Variants in PEX6 observed in about 807,000 individuals in gnomAD.
The protein encoded by PEX6 is peroxisome biogenesis factor 6.
A neutral mutation model predicts 85.6 loss-of-function variants in PEX6; 55 were observed. That is an observed-to-expected ratio of 0.64 (90% confidence interval 0.52 to 0.80). The LOEUF is 0.80. Ranked by LOEUF, PEX6 falls within the 30% of genes least tolerant of loss-of-function variation. The pLI, the probability that PEX6 is intolerant of heterozygous loss-of-function variation, is 0.00. For synonymous variants in PEX6, 519 were observed against 549.1 expected, an observed-to-expected ratio of 0.95 and a Z score of 0.77; for missense variants, 1,099 against 1,260.3, an observed-to-expected ratio of 0.87 and a Z score of 1.94.
chr6:42,964,642 T>G lies in PEX6; in HGVS notation c.2806+148A>C. 3 of 1,269,380 alleles carry G rather than the reference T, an allele frequency of 2.4e-6. No homozygotes were observed. The highest frequency in any genetic ancestry group is 1.2e-5 in the South Asian group (1 of 82,448). The allele number at this position is 1,269,380 out of a possible 1,614,324, so 78.6% of individuals were successfully genotyped here. A position where few individuals can be genotyped will look rare whatever the true frequency, so the allele number is the denominator to read the frequency against. On this transcript the variant is annotated intron_variant, in intron 16 of 16. Coordinates refer to ENST00000304611, the MANE Select transcript of PEX6 (RefSeq NM_000287.4). The surrounding 1 kb of genome is among the most constrained non-coding windows in gnomAD (Gnocchi z 4.6). ...TTTCCCTTAAACATTTTTTTTAGAGTTGGGGTCTCTCTGTGTTGCCCAGGC... is the reference window on the plus strand; with the variant it reads ...TTTCCCTTAAACATTTTTTTTAGAGGTGGGGTCTCTCTGTGTTGCCCAGGC...
chr6:42,968,640 ACCTCTTTTTTAC>A, intron 6 of PEX6, 142 bp from the exon 7 acceptor site: 1 of 802,794 alleles, frequency 1.2e-6, no homozygotes, highest in Non-Finnish European at 2.0e-6. Flanking sequence ...GCCAAGTCCT[ACCTCTTTTTTAC>A]CCTATCCCAT....
chr6:42,966,944 T>A, intron 8 of PEX6, 86 bp from the exon 9 acceptor site: 1 of 875,460 alleles, frequency 1.1e-6, no homozygotes, highest in Non-Finnish European at 1.9e-6. Context: ...GCAGAGGCCC[T>A]CTGTTGATGC....
intron 2 of PEX6, among the ~76,000 whole-genome samples, chr6:42,974,451 G>GTTTTTT (rs541877938): frequency 3.0e-4 from 18 of 61,016 alleles, no homozygotes; most frequent in Non-Finnish European, 4.7e-4. Flanking sequence ...TGTTTTTTTT[G>GTTTTTT]TTTTTTTTTT....
In PEX6 at chr6:42,967,581, G is replaced by A. The variant is rs762355534; in HGVS notation, c.1689-18C>T. Reference sequence around the variant, plus strand: ...GAGGGCAGCTGCAGACAGAGGAGTGGGCACTGAGGGTGAGAACATGGCTGG... The same window carrying A: ...GAGGGCAGCTGCAGACAGAGGAGTGAGCACTGAGGGTGAGAACATGGCTGG... On this transcript the variant is annotated intron_variant, in intron 7 of 16. Coordinates refer to ENST00000304611, the MANE Select transcript of PEX6 (RefSeq NM_000287.4). 7 of 1,584,748 alleles carry A rather than the reference G, an allele frequency of 4.4e-6. No individual in the cohort carries two copies. In the East Asian group the frequency reaches 1.4e-4, roughly 31 times the overall value.
rs1286993221 is a variant in PEX6 at position 42,969,959 on chromosome 6, T to C, written c.1159A>G (p.Lys387Glu). ...CCATCTGGAGCTTCCCCAACTGTTT[T>C]CTTCACTTTAAAAAACATTTCCCGC... ...RWREMFFKVK[K>E]TVGEAPDGPA... The change falls in exon 4 of 17, where the codon AAA becomes GAA. Residue 387 changes from lysine to glutamate, a missense_variant. Transcript: ENST00000304611. 3.1e-6 allele frequency: 5 copies of C among 1,614,036 alleles called. No homozygotes were observed. The African/African-American group carries it at 5.3e-5, about 17-fold the overall frequency.
At chr6:42,967,691 G>C in intron 7 of PEX6, 128 bp from the exon 8 acceptor site, 1 of 748,644 alleles carries the variant, frequency 1.3e-6, no homozygotes, top group South Asian at 1.6e-5. Flanking sequence ...AGGGAGATGA[G>C]CATCTACCCC....
intron 3 of PEX6, among the ~76,000 whole-genome samples, chr6:42,972,603 T>C (rs1770101420): frequency 1.3e-5 from 2 of 151,954 alleles, no homozygotes; most frequent in Admixed American, 1.3e-4. Context: ...ACCCAATCTC[T>C]ACTAAAAATA....
intron 3 of PEX6, 77 bp downstream of exon 3, chr6:42,973,926 A>G (rs1341102607): frequency 2.5e-5 from 24 of 976,604 alleles, no homozygotes; most frequent in Admixed American, 8.7e-5. Context: ...ATTACACATG[A>G]TTTGCAGGGA....
chr6:42,974,210 G>A (rs572323054), intron 2 of PEX6, 124 bp from the exon 3 acceptor site: 70 of 741,708 alleles, frequency 9.4e-5, no homozygotes, highest in South Asian at 8.1e-4. Flanking sequence ...GAGATCCCAC[G>A]CAGTTCTCCA....
chr6:42,969,122 C>A, intron 5 of PEX6, 137 bp from the exon 6 acceptor site: 2 of 681,602 alleles, frequency 2.9e-6, no homozygotes, highest in Non-Finnish European at 5.3e-6. Context: ...CAGGACAGGG[C>A]TGTCCCCATG....
Position 42,978,911 on chromosome 6 carries a change from C to T in PEX6, c.240G>A (p.Leu80=), listed in dbSNP as rs1554128547. ...GPPQLLVSRA[L]LRLLALGSGA... ...CGGAGCCCAGTGCCAGGAGCCGCAGCAGCGCGCGGCTAACCAGTAGCTGCG... is the reference window on the plus strand; with the variant it reads ...CGGAGCCCAGTGCCAGGAGCCGCAGTAGCGCGCGGCTAACCAGTAGCTGCG... The change falls in exon 1 of 17, where the codon CTG becomes CTA. Residue 80 remains leucine (L), a synonymous_variant. Coordinates refer to ENST00000304611, the MANE Select transcript of PEX6 (RefSeq NM_000287.4). 2 of 1,487,676 alleles carry T rather than the reference C, an allele frequency of 1.3e-6. No individual in the cohort carries two copies. Among genetic ancestry groups the T allele is most frequent in the Non-Finnish European group, 1.8e-6 (2 of 1,127,326 alleles). The allele number at this position is 1,487,676 out of a possible 1,614,324, so 92.2% of individuals were successfully genotyped here.
At position 42,967,689 on chromosome 6, in the gene PEX6, G is replaced by A. The variant is rs916895666; in HGVS notation, c.1689-126C>T. The A allele has an allele frequency of 3.9e-6, 3 of 764,924 alleles. No individual in the cohort carries two copies. The African/African-American group carries it at 5.1e-5, about 13-fold the overall frequency. 47.4% of individuals were successfully genotyped at this position (764,924 alleles called of 1,614,324 possible). A position where few individuals can be genotyped will look rare whatever the true frequency, so the allele number is the denominator to read the frequency against. On this transcript the variant is annotated intron_variant, in intron 7 of 16. Coordinates refer to ENST00000304611, the MANE Select transcript of PEX6 (RefSeq NM_000287.4). Reference sequence around the variant, plus strand: ...GGGTGCTAGGATGGGGTAGGGAGATGAGCATCTACCCCAGTTCCTAGATGG... The same window carrying A: ...GGGTGCTAGGATGGGGTAGGGAGATAAGCATCTACCCCAGTTCCTAGATGG...
At position 42,964,799 on chromosome 6, in the gene PEX6, G is replaced by A; in HGVS notation, c.2797C>T (p.Leu933=). The A allele has an allele frequency of 2.5e-6, 4 of 1,614,042 alleles. No individual in the cohort carries two copies. Among genetic ancestry groups the A allele is most frequent in the Non-Finnish European group, 3.4e-6 (4 of 1,180,004 alleles). Residue 933 remains leucine, a synonymous_variant, in exon 16 of 17, where the codon CTG becomes TTG. Coordinates refer to ENST00000304611, the MANE Select transcript of PEX6 (RefSeq NM_000287.4). This position sits in a 1 kb window ranked among gnomAD's most constrained non-coding sequence, Gnocchi z 4.6. The part of the protein sequence containing the change: ...TAALKRRVHD[L]EEGLEPGSSA... ...CCGGCAAGTGGCTCACCTTCCTCCAGGTCATGAACCCTGCGTTTGAGGGCA... is the reference window on the plus strand; with the variant it reads ...CCGGCAAGTGGCTCACCTTCCTCCAAGTCATGAACCCTGCGTTTGAGGGCA...
rs1333244997 is a variant in PEX6, at chr6:42,978,417, A to G, written c.734T>C (p.Leu245Pro). The G allele has an allele frequency of 6.2e-7, 1 of 1,614,164 alleles. No individual in the cohort carries two copies. The highest frequency in any genetic ancestry group is 1.1e-5 in the South Asian group (1 of 91,080). ...ATCAGAGAGGTCCCAGCGAGGTTCT[A>G]GGACCTGCACCCTAGCCAAGTGCGG... ...SQPHLARVQV[L>P]EPRWDLSDRL... Residue 245 changes from leucine to proline, a missense_variant, in exon 1 of 17, where the codon CTA becomes CCA. Physicochemically the swap from Leu to Pro is moderately conservative, Grantham distance 98. Coordinates refer to ENST00000304611, the MANE Select transcript of PEX6 (RefSeq NM_000287.4).
Position 42,966,464 on chromosome 6 carries a change from G to A in PEX6, c.2095-17C>T, listed in dbSNP as rs1410970167. On this transcript the variant is annotated splice_polypyrimidine_tract_variant and intron_variant, in intron 10 of 16. Transcript: ENST00000304611. ...TGAGGGGATCTAGGAGATGGAAAGTGCGTGGTTGGGATATGCTCTTGGAGG... is the reference window on the plus strand; with the variant it reads ...TGAGGGGATCTAGGAGATGGAAAGTACGTGGTTGGGATATGCTCTTGGAGG... The A allele has an allele frequency of 1.5e-5, 24 of 1,613,992 alleles. No individual in the cohort carries two copies. The highest frequency in any genetic ancestry group is 2.0e-5 in the Non-Finnish European group (24 of 1,180,024).
At position 42,964,550 on chromosome 6, in the gene PEX6, G is replaced by A; in HGVS notation, c.2807-79C>T. 6.5e-7 allele frequency: 1 copy of A among 1,533,866 alleles called. No individual in the cohort carries two copies. The highest frequency in any genetic ancestry group is 9.0e-7 in the Non-Finnish European group (1 of 1,110,826). ...CTGCGAAGGTGGCTTCCTGCTCAGG[G>A]TCTCCTAGATGTCAATGATCTTCCC... On this transcript the variant is annotated intron_variant, in intron 16 of 16. Transcript: ENST00000304611. The surrounding 1 kb of genome is among the most constrained non-coding windows in gnomAD (Gnocchi z 4.6).
chr6:42,968,816 G>A (rs1048649701), intron 6 of PEX6, 58 bp downstream of exon 6: 35 of 1,255,358 alleles, frequency 2.8e-5, no homozygotes, highest in Non-Finnish European at 3.9e-5. Flanking sequence ...CAGCAGAGAG[G>A]GAGAACATGA....
chr6:42,964,297 C>T lies in PEX6; in HGVS notation c.*38G>A, dbSNP rs756533421. 6.2e-7 allele frequency: 1 copy of T among 1,611,756 alleles called. No homozygotes were observed. Among genetic ancestry groups the T allele is most frequent in the East Asian group, 2.2e-5 (1 of 44,860 alleles). On this transcript the variant is annotated 3_prime_UTR_variant, in exon 17 of 17. Transcript: ENST00000304611. This position sits in a 1 kb window ranked among gnomAD's most constrained non-coding sequence, Gnocchi z 4.6. Reference sequence around the variant, plus strand: ...TCTCTGTGGGCTATCAAGGTACCTGCAGCCATGCTGAGCGGGGTCCCAGAC... The same window carrying T: ...TCTCTGTGGGCTATCAAGGTACCTGTAGCCATGCTGAGCGGGGTCCCAGAC...
At chr6:42,978,225 T>C in intron 1 of PEX6, 44 bp downstream of exon 1, 1 of 1,597,132 alleles carries the variant, frequency 6.3e-7, no homozygotes, top group Non-Finnish European at 8.6e-7. Context: ...GAGAAGAGGG[T>C]ATAAGAAAGA....
Sources: gnomAD v4.1 joint callset for allele counts (sites outside exome capture counted in the v4.1 genomes callset) on GRCh38, gnomAD v4.1.1 for gene constraint, Gnocchi (gnomAD v3.1) non-coding constraint, MANE v1.5 for transcripts, NCBI Gene and HGNC (gene_info 2026-07-23, HGNC 2026-07-21) for gene names.